Variants in GRIK2 observed in about 807,000 individuals in gnomAD.
GRIK2 encodes glutamate ionotropic receptor kainate type subunit 2.
A neutral mutation model predicts 100.3 loss-of-function variants in GRIK2; 32 were observed. The ratio of observed to expected loss-of-function variants is 0.32; its 90% CI spans 0.24 to 0.43. The LOEUF (loss-of-function observed/expected upper bound fraction) is 0.43. GRIK2 is among the 20% of genes least tolerant of loss of function. The pLI is 1.00. For synonymous variants in GRIK2, 417 were observed against 389.4 expected, an observed-to-expected ratio of 1.07 and a Z score of -0.83; for missense variants, 843 against 1,114.9, an observed-to-expected ratio of 0.76 and a Z score of 3.47.
intron 2 of GRIK2, among the ~76,000 whole-genome samples, chr6:101,492,860 A>C (rs994377381): frequency 4.3e-4 from 65 of 152,038 alleles, no homozygotes; most frequent in Admixed American, 1.6e-3. Flanking sequence ...TATATTTAGA[A>C]AAACAAATAT....
intron 2 of GRIK2, among the ~76,000 whole-genome samples, chr6:101,432,414 A>G (rs896388128): frequency 2.0e-5 from 3 of 152,174 alleles, no homozygotes; most frequent in Admixed American, 6.5e-5. Flanking sequence ...AATTTATACT[A>G]TAATATCAGT....
intron 12 of GRIK2, among the ~76,000 whole-genome samples, chr6:101,905,895 A>G (rs1788186216): frequency 6.6e-6 from 1 of 151,596 alleles, no homozygotes; most frequent in African/African-American, 2.4e-5. Flanking sequence ...TAAATGGAAT[A>G]GTACTACATG....
At chr6:101,452,149 C>T (rs1205974229) in intron 2 of GRIK2, among the ~76,000 whole-genome samples, 1 of 151,654 alleles carries the variant, frequency 6.6e-6, no homozygotes, top group Non-Finnish European at 1.5e-5. Flanking sequence ...AGAAGCAGAG[C>T]ATATGGGTAT....
intron 14 of GRIK2, among the ~76,000 whole-genome samples, chr6:101,998,812 C>CTTTTTTTTTTTTTTTTT (rs755522043): frequency 1.8e-5 from 2 of 110,060 alleles, no homozygotes; most frequent in Non-Finnish European, 3.6e-5. Flanking sequence ...TTTTTCTTTT[C>CTTTTTTTTTTTTTTTTT]TTTTTTTTTT....
intron 14 of GRIK2, among the ~76,000 whole-genome samples, chr6:101,980,142 C>CA (rs1793627856): frequency 1.3e-5 from 2 of 151,952 alleles, no homozygotes; most frequent in African/African-American, 4.8e-5. Flanking sequence ...CTGCATTCTA[C>CA]ATAGTGCTCT....
chr6:101,809,408 G>A (rs2128417805), intron 9 of GRIK2, among the ~76,000 whole-genome samples: 1 of 151,958 alleles, frequency 6.6e-6, no homozygotes, highest in African/African-American at 2.4e-5. Flanking sequence ...GTTGACTCCT[G>A]CCCTCATTAA....
At chr6:101,825,937 G>A (rs987460057) in intron 10 of GRIK2, among the ~76,000 whole-genome samples, 3 of 151,988 alleles carry the variant, frequency 2.0e-5, no homozygotes, top group Admixed American at 6.6e-5. Flanking sequence ...ATTACTTACT[G>A]GACATATATC....
At chr6:101,765,447 TA>T (rs1777989839) in intron 7 of GRIK2, among the ~76,000 whole-genome samples, 1 of 152,140 alleles carries the variant, frequency 6.6e-6, no homozygotes. Context: ...AATGTAGTAA[TA>T]TATAAATAAC....
Position 101,971,034 on chromosome 6 carries a change from G to A in GRIK2, c.2085+42402G>A, listed in dbSNP as rs773289862. Among the ~76,000 whole-genome samples, 5 of 150,940 alleles carry A rather than the reference G, an allele frequency of 3.3e-5. 1 individual carries two copies. Among genetic ancestry groups the A allele is most frequent in the African/African-American group, 4.9e-5 (2 of 40,418 alleles). On this transcript the variant is annotated intron_variant, in intron 14 of 16. Coordinates refer to ENST00000369134, the MANE Select transcript of GRIK2 (RefSeq NM_021956.5). ...GATGATTTCCATAGTATTTATCACT[G>A]CATTCCTTGCTGTGTATTTCAAATT...
At chr6:101,872,443 T>A (rs1785488276) in intron 11 of GRIK2, among the ~76,000 whole-genome samples, 1 of 151,630 alleles carries the variant, frequency 6.6e-6, no homozygotes, top group Non-Finnish European at 1.5e-5. Context: ...TATAAAACCA[T>A]CAGATCATGA....
At chr6:101,788,739 C>G (rs1779612891) in intron 7 of GRIK2, among the ~76,000 whole-genome samples, 1 of 152,150 alleles carries the variant, frequency 6.6e-6, no homozygotes, top group Admixed American at 6.6e-5. Flanking sequence ...AATGGGATGG[C>G]TGGGTCAAAT....
intron 11 of GRIK2, among the ~76,000 whole-genome samples, chr6:101,869,288 C>CT (rs1398062210): frequency 1.3e-5 from 2 of 151,848 alleles, no homozygotes; most frequent in South Asian, 2.1e-4. Flanking sequence ...GTTTTCACAT[C>CT]TTTTCTCCTA....
At chr6:101,874,079 G>A (rs1785630938) in intron 11 of GRIK2, among the ~76,000 whole-genome samples, 1 of 152,084 alleles carries the variant, frequency 6.6e-6, no homozygotes, top group East Asian at 1.9e-4. Context: ...TTCTTTTGCT[G>A]TGCAGAAGCT....
intron 14 of GRIK2, among the ~76,000 whole-genome samples, chr6:101,939,946 G>T (rs186750946): frequency 1.3e-5 from 2 of 152,048 alleles, no homozygotes; most frequent in African/African-American, 4.8e-5. Context: ...TTAACAATTA[G>T]GGAGGTGTTT....
At chr6:102,021,006 T>C (rs1271754899) in intron 14 of GRIK2, among the ~76,000 whole-genome samples, 1 of 151,840 alleles carries the variant, frequency 6.6e-6, no homozygotes, top group Non-Finnish European at 1.5e-5. Context: ...ATTTTCATTC[T>C]ATAGAAAACT....
intron 1 of GRIK2, among the ~76,000 whole-genome samples, chr6:101,397,823 T>C (rs984006963): frequency 1.3e-5 from 2 of 152,124 alleles, no homozygotes; most frequent in Non-Finnish European, 2.9e-5. Context: ...TGATAAGATA[T>C]AGGTCCAACA....
Position 101,987,890 on chromosome 6 carries a change from C to T in GRIK2, c.2086-47451C>T, listed in dbSNP as rs1282150966. Among the ~76,000 whole-genome samples, 3 of 151,004 alleles carry T rather than the reference C, an allele frequency of 2.0e-5. No homozygotes were observed. The East Asian group carries it at 5.9e-4, about 29-fold the overall frequency. On this transcript the variant is annotated intron_variant, in intron 14 of 16. Coordinates refer to ENST00000369134, the MANE Select transcript of GRIK2 (RefSeq NM_021956.5). ...ATAGTAGCATTAATTTCTCTTTTTT[C>T]CTGAGCTTAGACTCCTCAATACCCC...
In GRIK2 at chr6:101,575,912, C is replaced by T. The variant is rs558675814; in HGVS notation, c.116-46037C>T. On this transcript the variant is annotated intron_variant, in intron 2 of 16. Coordinates refer to ENST00000369134, the MANE Select transcript of GRIK2 (RefSeq NM_021956.5). ...TAACCTATGTAAGAATTGATTTTTC[C>T]ACCTCATCACCCCATGTTCTTTCAA... 5.0e-4 allele frequency among the ~76,000 whole-genome samples: 76 copies of T among 151,882 alleles called. 1 individual carries two copies. The South Asian group carries it at 0.015, about 31-fold the overall frequency.
At chr6:101,673,641 A>G (rs775484481) in intron 4 of GRIK2, among the ~76,000 whole-genome samples, 5 of 152,062 alleles carry the variant, frequency 3.3e-5, no homozygotes, top group Non-Finnish European at 7.4e-5. Context: ...CTTTTTATTC[A>G]TGTATTAACT....
Sources: allele counts gnomAD v4.1 joint callset (sites outside exome capture counted in the v4.1 genomes callset), GRCh38; gene constraint gnomAD v4.1.1; transcripts MANE v1.5; gene names NCBI Gene and HGNC (gene_info 2026-07-23, HGNC 2026-07-21).